Variants in PPARA observed in about 807,000 individuals in gnomAD.
The protein encoded by PPARA is peroxisome proliferator activated receptor alpha, also known as peroxisome proliferator-activated receptor alpha.
PPARA carries 22 observed loss-of-function variants against 42.2 expected under a neutral mutation model. The observed-to-expected ratio is 0.52, with a 90% CI of 0.37 to 0.74. PPARA has a LOEUF of 0.74. Ranked by LOEUF, PPARA falls within the 30% of genes least tolerant of loss-of-function variation. The pLI is 0.00. For missense variants in PPARA, 465 were observed against 608.2 expected (o/e 0.76, Z 2.48); for synonymous variants, 242 against 239.3 (o/e 1.01, Z -0.10).
chr22:46,215,821 C>T (rs576630741), intron 5 of PPARA, among the ~76,000 whole-genome samples: 2 of 152,232 alleles, frequency 1.3e-5, no homozygotes, highest in African/African-American at 2.4e-5. Flanking sequence ...TAGCACAGAA[C>T]CCCTGAGAGC....
At chr22:46,220,311 T>C in intron 7 of PPARA, 1 of 408,052 alleles carries the variant, frequency 2.5e-6, no homozygotes, top group Admixed American at 3.6e-5. Flanking sequence ...GATGATTTCT[T>C]AGGAGCATTT....
rs180822489 is a variant in PPARA, at chr22:46,204,705, G to A, written c.208+6114G>A. Among the ~76,000 whole-genome samples, 2 of 152,134 alleles carry A rather than the reference G, an allele frequency of 1.3e-5. No individual in the cohort carries two copies. The highest frequency in any genetic ancestry group is 4.8e-5 in the African/African-American group (2 of 41,500). On this transcript the variant is annotated intron_variant, in intron 4 of 8. Transcript: ENST00000407236. This position sits in a 1 kb window ranked among gnomAD's most constrained non-coding sequence, Gnocchi z 5.2. ...AAGCCTTTGCTCATTTTTTAATTGAGTTGCTTTTCTACTATTCACTATTGA... is the reference window on the plus strand; with the variant it reads ...AAGCCTTTGCTCATTTTTTAATTGAATTGCTTTTCTACTATTCACTATTGA...
chr22:46,157,258 T>C (rs1925439593), intron 2 of PPARA, among the ~76,000 whole-genome samples: 1 of 152,220 alleles, frequency 6.6e-6, no homozygotes, highest in Non-Finnish European at 1.5e-5. Context: ...TCAAGAAGAA[T>C]GTATTGATGG....
chr22:46,175,220 C>T lies in PPARA; in HGVS notation c.-126-1533C>T, dbSNP rs181119949. On this transcript the variant is annotated intron_variant, in intron 2 of 8. Coordinates refer to ENST00000407236, the MANE Select transcript of PPARA (RefSeq NM_005036.6). The stretch of plus-strand genomic sequence containing the variant: ...ATCCCCAGCACTCTTTCCAGTTTTC[C>T]CCAAGGGTAACATCTTGCAAAGTGA... Among the ~76,000 whole-genome samples the T allele has an allele frequency of 7.0e-4, 107 of 152,192 alleles. 1 individual carries two copies. Among genetic ancestry groups the T allele is most frequent in the African/African-American group, 2.5e-3 (102 of 41,524 alleles).
Position 46,234,994 on chromosome 22 carries a change from C to G in PPARA, c.1160-139C>G. 8.5e-7 allele frequency: 1 copy of G among 1,182,210 alleles called. No homozygotes were observed. 73.2% of individuals were successfully genotyped at this position (1,182,210 alleles called of 1,614,324 possible). ...GAAAAACCTATGTCTATCTTCCAGT[C>G]AAGTTGACAATATCTAAAGGCAGCT... On this transcript the variant is annotated intron_variant, in intron 8 of 8. Transcript: ENST00000407236. The surrounding 1 kb of genome is among the most constrained non-coding windows in gnomAD (Gnocchi z 5.8).
In PPARA at chr22:46,231,060, T is replaced by C. The variant is rs1935829307; in HGVS notation, c.712-732T>C. Reference sequence around the variant, plus strand: ...CTTCAGTTTCTTGTTTCTTTTTTTTTTGAGACGGAGTCTTACTCTCGCTCT... The same window carrying C: ...CTTCAGTTTCTTGTTTCTTTTTTTTCTGAGACGGAGTCTTACTCTCGCTCT... On this transcript the variant is annotated intron_variant, in intron 7 of 8. Transcript: ENST00000407236. The surrounding 1 kb of genome is among the most constrained non-coding windows in gnomAD (Gnocchi z 7.7). 6.6e-6 allele frequency among the ~76,000 whole-genome samples: 1 copy of C among 152,186 alleles called. No individual in the cohort carries two copies. Among genetic ancestry groups the C allele is most frequent in the African/African-American group, 2.4e-5 (1 of 41,448 alleles).
chr22:46,207,684 T>A lies in PPARA; in HGVS notation c.209-7489T>A, dbSNP rs1375103331. ...ATTATTATTATTATTATTATTTTTT[T>A]TTTTTTTTTTTTTTTTAGAGACAGG... is the stretch of plus-strand genomic sequence containing the variant. On this transcript the variant is annotated intron_variant, in intron 4 of 8. Transcript: ENST00000407236. Among the ~76,000 whole-genome samples the A allele has an allele frequency of 4.0e-3, 459 of 116,106 alleles. 3 individuals carry two copies. The highest frequency in any genetic ancestry group is 0.017 in the African/African-American group (393 of 23,546). The allele number at this position is 116,106 out of a possible 152,430, so 76.2% of individuals were successfully genotyped here.
chr22:46,186,486 G>A (rs1413865932), intron 3 of PPARA, among the ~76,000 whole-genome samples: 1 of 152,128 alleles, frequency 6.6e-6, no homozygotes, highest in African/African-American at 2.4e-5. Context: ...GAGGGAGCAA[G>A]GATTCCCAGT....
rs1220495986 is a variant in PPARA at position 46,211,955 on chromosome 22, G to C, written c.209-3218G>C. 6.6e-6 allele frequency among the ~76,000 whole-genome samples: 1 copy of C among 151,904 alleles called. No individual in the cohort carries two copies. ...GATCCACCTACCTCGGCCTCCCAAAGTGTTGGGATTACAGGCGTGAGCCAC... is the reference window on the plus strand; with the variant it reads ...GATCCACCTACCTCGGCCTCCCAAACTGTTGGGATTACAGGCGTGAGCCAC... On this transcript the variant is annotated intron_variant, in intron 4 of 8. Transcript: ENST00000407236. This position sits in a 1 kb window ranked among gnomAD's most constrained non-coding sequence, Gnocchi z 4.1.
In PPARA at chr22:46,150,882, GC is replaced by G. The variant is rs1924312288; in HGVS notation, c.-210+231del. 7.2e-6 allele frequency: 1 copy of G among 139,550 alleles called. No homozygotes were observed. Among genetic ancestry groups the G allele is most frequent in the African/African-American group, 2.5e-5 (1 of 39,486 alleles). The allele number at this position is 139,550 out of a possible 1,614,324, so 8.6% of individuals were successfully genotyped here. On this transcript the variant is annotated intron_variant, in intron 1 of 8. Transcript: ENST00000407236. This position sits in a 1 kb window ranked among gnomAD's most constrained non-coding sequence, Gnocchi z 7.5. ...GCGAGGACACACACCGAGGACTCTTGCGAGGGATCTCGGGGCCCAGCTCGGC... is the reference window on the plus strand; with the variant it reads ...GCGAGGACACACACCGAGGACTCTTGGAGGGATCTCGGGGCCCAGCTCGGC...
At chr22:46,226,156 C>CAT (rs1428453207) in intron 7 of PPARA, among the ~76,000 whole-genome samples, 7 of 120,286 alleles carry the variant, frequency 5.8e-5, no homozygotes, top group Non-Finnish European at 1.1e-4. Flanking sequence ...CAAGCATGCA[C>CAT]ACATATATAT....
Position 46,167,841 on chromosome 22 carries a change from G to A in PPARA, c.-126-8912G>A, listed in dbSNP as rs931957266. Reference sequence around the variant, plus strand: ...GAGGATAGCTTGAGGCCAGGAGTCCGAGAGCAGCCTGGGCAACATAACAAG... The same window carrying A: ...GAGGATAGCTTGAGGCCAGGAGTCCAAGAGCAGCCTGGGCAACATAACAAG... On this transcript the variant is annotated intron_variant, in intron 2 of 8. Transcript: ENST00000407236. The surrounding 1 kb of genome is among the most constrained non-coding windows in gnomAD (Gnocchi z 4.1). Among the ~76,000 whole-genome samples the A allele has an allele frequency of 2.6e-5, 4 of 151,196 alleles. No homozygotes were observed. Among genetic ancestry groups the A allele is most frequent in the East Asian group, 2.0e-4 (1 of 5,122 alleles).
At position 46,187,505 on chromosome 22, in the gene PPARA, A is replaced by G. The variant is rs1930980290; in HGVS notation, c.-43+10669A>G. Among the ~76,000 whole-genome samples, 1 of 152,250 alleles carries G rather than the reference A, an allele frequency of 6.6e-6. No homozygotes were observed. The highest frequency in any genetic ancestry group is 2.4e-5 in the African/African-American group (1 of 41,560). The stretch of plus-strand genomic sequence containing the variant: ...TGTGTCATTACCCAGGGCTGTCACC[A>G]TCTTTTCTTGGGACAGTTACAACAG... On this transcript the variant is annotated intron_variant, in intron 3 of 8. Transcript: ENST00000407236. The surrounding 1 kb of genome is among the most constrained non-coding windows in gnomAD (Gnocchi z 4.9).
intron 7 of PPARA, among the ~76,000 whole-genome samples, chr22:46,229,741 T>C (rs73177040): frequency 0.011 from 1,703 of 152,306 alleles, 20 homozygotes; most frequent in Middle Eastern, 0.027. Context: ...ATTTAGAAAC[T>C]TGGCTCTGAA....
Position 46,240,216 on chromosome 22 carries a change from G to C in PPARA, c.*4836G>C. 1 of 398,742 alleles carries C rather than the reference G, an allele frequency of 2.5e-6. No individual in the cohort carries two copies. Among genetic ancestry groups the C allele is most frequent in the Non-Finnish European group, 4.4e-6 (1 of 226,138 alleles). The allele number at this position is 398,742 out of a possible 1,614,324, so 24.7% of individuals were successfully genotyped here. Reference sequence around the variant, plus strand: ...GCCATGGCTCTGGGCAGCTTTCAAAGCAGGTTCCTGTGGTCTCCTCAGCTG... The same window carrying C: ...GCCATGGCTCTGGGCAGCTTTCAAACCAGGTTCCTGTGGTCTCCTCAGCTG... On this transcript the variant is annotated 3_prime_UTR_variant, in exon 9 of 9. Transcript: ENST00000407236. This position sits in a 1 kb window ranked among gnomAD's most constrained non-coding sequence, Gnocchi z 6.0.
Position 46,230,384 on chromosome 22 carries a change from A to C in PPARA, c.712-1408A>C, listed in dbSNP as rs1935785038. 6.6e-6 allele frequency among the ~76,000 whole-genome samples: 1 copy of C among 151,176 alleles called. No homozygotes were observed. Among genetic ancestry groups the C allele is most frequent in the Non-Finnish European group, 1.5e-5 (1 of 67,806 alleles). ...AAAACTCTGTCTCAAAAAAAAAAGA[A>C]ATAACACCTTAGCCCACTGCATTAT... On this transcript the variant is annotated intron_variant, in intron 7 of 8. Coordinates refer to ENST00000407236, the MANE Select transcript of PPARA (RefSeq NM_005036.6). This position sits in a 1 kb window ranked among gnomAD's most constrained non-coding sequence, Gnocchi z 5.0.
In PPARA at chr22:46,184,480, C is replaced by T. The variant is rs915135679; in HGVS notation, c.-43+7644C>T. Among the ~76,000 whole-genome samples the T allele has an allele frequency of 6.6e-6, 1 of 152,202 alleles. No individual in the cohort carries two copies. On this transcript the variant is annotated intron_variant, in intron 3 of 8. Transcript: ENST00000407236. The surrounding 1 kb of genome is among the most constrained non-coding windows in gnomAD (Gnocchi z 4.4). ...ATGGAGGGCTTCTCTGAATATAGGGCTATGGGGTCAGAAGCCAGTTTCCTC... is the reference window on the plus strand; with the variant it reads ...ATGGAGGGCTTCTCTGAATATAGGGTTATGGGGTCAGAAGCCAGTTTCCTC...
In PPARA at chr22:46,193,149, C is replaced by A. The variant is rs995361721; in HGVS notation, c.-42-5193C>A. On this transcript the variant is annotated intron_variant, in intron 3 of 8. Transcript: ENST00000407236. The surrounding 1 kb of genome is among the most constrained non-coding windows in gnomAD (Gnocchi z 5.3). ...TGGCATGATCTCGGCTCACTGCAACCTCCACCTCCTGGGTTCAAGCGATCC... is the reference window on the plus strand; with the variant it reads ...TGGCATGATCTCGGCTCACTGCAACATCCACCTCCTGGGTTCAAGCGATCC... Among the ~76,000 whole-genome samples the A allele has an allele frequency of 2.0e-5, 3 of 152,200 alleles. No homozygotes were observed. The highest frequency in any genetic ancestry group is 7.2e-5 in the African/African-American group (3 of 41,430).
chr22:46,215,447 C>T (rs1326553156), intron 5 of PPARA, 114 bp downstream of exon 5: 2 of 1,425,452 alleles, frequency 1.4e-6, no homozygotes, highest in Non-Finnish European at 1.9e-6. Flanking sequence ...GGATAAGAAA[C>T]TGACTTCAGG....
Sources: allele counts gnomAD v4.1 joint callset (sites outside exome capture counted in the v4.1 genomes callset), GRCh38; gene constraint gnomAD v4.1.1; non-coding constraint Gnocchi (gnomAD v3.1); transcripts MANE v1.5; gene names NCBI Gene and HGNC (gene_info 2026-07-23, HGNC 2026-07-21).